The following LINC00305 variants were observed in gnomAD, a reference collection of about 807,000 sequenced individuals.
LINC00305 encodes the protein long intergenic non-protein coding RNA 305.
chr18:64,123,119 G>A (rs2051369351), intron 1 of LINC00305, among the ~76,000 whole-genome samples: 1 of 152,074 alleles, frequency 6.6e-6, no homozygotes, highest in South Asian at 2.1e-4. Flanking sequence ...TATATAATCA[G>A]TGAACAGGAA....
chr18:64,135,797 T>C (rs1325575028), intron 1 of LINC00305, among the ~76,000 whole-genome samples: 1 of 152,010 alleles, frequency 6.6e-6, no homozygotes, highest in Admixed American at 6.6e-5. Flanking sequence ...GTTGGCCATG[T>C]TGTTCTGGCA....
At chr18:64,087,342 G>A (rs190839496) in intron 3 of LINC00305, among the ~76,000 whole-genome samples, 5 of 152,054 alleles carry the variant, frequency 3.3e-5, no homozygotes, top group East Asian at 1.9e-4. Context: ...CAATCAAATT[G>A]GTTCTCTGAA....
intron 3 of LINC00305, among the ~76,000 whole-genome samples, chr18:64,087,817 C>T (rs193161889): frequency 1.6e-3 from 238 of 152,120 alleles, no homozygotes; most frequent in African/African-American, 5.5e-3. Flanking sequence ...AGCAGCCAGG[C>T]GTGCTGGCTC....
chr18:64,099,717 T>C (rs763072586), intron 1 of LINC00305, among the ~76,000 whole-genome samples: 9 of 152,160 alleles, frequency 5.9e-5, no homozygotes, highest in Non-Finnish European at 1.2e-4. Context: ...TCCAGCCCCT[T>C]GGTTTTATTA....
At chr18:64,089,829 A>T (rs753040296) in intron 3 of LINC00305, among the ~76,000 whole-genome samples, 1 of 152,196 alleles carries the variant, frequency 6.6e-6, no homozygotes, top group Non-Finnish European at 1.5e-5. Flanking sequence ...CCACCTTATA[A>T]AACCATCAGA....
At chr18:64,110,111 T>C (rs908333054) in intron 1 of LINC00305, among the ~76,000 whole-genome samples, 2 of 152,198 alleles carry the variant, frequency 1.3e-5, no homozygotes, top group East Asian at 3.8e-4. Context: ...CCTGGACATC[T>C]AAAAGGAGGC....
chr18:64,143,615 T>C (rs2051478536), intron 1 of LINC00305, among the ~76,000 whole-genome samples: 1 of 120,816 alleles, frequency 8.3e-6, no homozygotes, highest in Non-Finnish European at 1.8e-5. Context: ...TGTACATATG[T>C]ACACATATGT....
chr18:64,104,237 T>A (rs1382333089), intron 1 of LINC00305: 1 of 152,194 alleles, frequency 6.6e-6, no homozygotes, highest in Non-Finnish European at 1.5e-5. Context: ...GGGGAGCAGG[T>A]ATGGGATAAC....
intron 1 of LINC00305, among the ~76,000 whole-genome samples, chr18:64,138,964 G>GT (rs2051448265): frequency 6.6e-6 from 1 of 152,116 alleles, no homozygotes; most frequent in African/African-American, 2.4e-5. Context: ...CATGCAGACG[G>GT]TATCAGTAAA....
At chr18:64,088,962 T>C (rs2051214627) in intron 3 of LINC00305, among the ~76,000 whole-genome samples, 1 of 152,116 alleles carries the variant, frequency 6.6e-6, no homozygotes, top group Non-Finnish European at 1.5e-5. Context: ...AAGGGGAATA[T>C]GGGGTTACCA....
chr18:64,127,892 A>C (rs1470250554), intron 1 of LINC00305, among the ~76,000 whole-genome samples: 1 of 152,110 alleles, frequency 6.6e-6, no homozygotes, highest in East Asian at 1.9e-4. Context: ...GAGGGCCCTG[A>C]ACATGCTAGG....
At chr18:64,087,218 C>A (rs1183104741) in intron 3 of LINC00305, among the ~76,000 whole-genome samples, 1 of 152,094 alleles carries the variant, frequency 6.6e-6, no homozygotes. Flanking sequence ...CTGTATTTTT[C>A]ATTTTCTAAT....
intron 1 of LINC00305, among the ~76,000 whole-genome samples, chr18:64,147,815 GT>G (rs2051505129): frequency 6.6e-6 from 1 of 152,110 alleles, no homozygotes; most frequent in Admixed American, 6.6e-5. Flanking sequence ...TTCATAATTG[GT>G]TTTCTCATAT....
chr18:64,144,939 A>G (rs2051489930), intron 1 of LINC00305, among the ~76,000 whole-genome samples: 1 of 152,128 alleles, frequency 6.6e-6, no homozygotes, highest in Non-Finnish European at 1.5e-5. Flanking sequence ...TGGAGAGCCT[A>G]TAAACGGACA....
At chr18:64,143,366 T>A (rs1297212810) in intron 1 of LINC00305, among the ~76,000 whole-genome samples, 1 of 151,938 alleles carries the variant, frequency 6.6e-6, no homozygotes, top group Non-Finnish European at 1.5e-5. Context: ...TAGTAGTAGA[T>A]GGCCTAGTAT....
intron 1 of LINC00305, among the ~76,000 whole-genome samples, chr18:64,141,260 T>C (rs2051461815): frequency 6.6e-6 from 1 of 152,020 alleles, no homozygotes; most frequent in Admixed American, 6.5e-5. Context: ...AAGCATAAAA[T>C]AAATCACCTA....
Position 64,144,251 on chromosome 18 carries a change from C to A in LINC00305, n.314+4524G>T, listed in dbSNP as rs565028869. On this transcript the variant is annotated intron_variant and non_coding_transcript_variant, in intron 1 of 3. Coordinates refer to ENST00000666468, the Ensembl canonical transcript of LINC00305. ...TAGAATTAGGTTTTGTTGCCAATAG[C>A]CTTATTTGTGTTACTTTCTGAGGTA... is the stretch of plus-strand genomic sequence containing the variant. 1.1e-4 allele frequency among the ~76,000 whole-genome samples: 17 copies of A among 152,080 alleles called. No homozygotes were observed. In the South Asian group the frequency reaches 3.3e-3, roughly 30 times the overall value.
intron 1 of LINC00305, among the ~76,000 whole-genome samples, chr18:64,143,814 TA>T (rs2051483483): frequency 6.6e-6 from 1 of 151,674 alleles, no homozygotes; most frequent in African/African-American, 2.4e-5. Context: ...TATGTATACA[TA>T]TATACACAGA....
chr18:64,084,180 A>G (rs909357314), intron 3 of LINC00305, among the ~76,000 whole-genome samples: 1 of 152,226 alleles, frequency 6.6e-6, no homozygotes, highest in African/African-American at 2.4e-5. Flanking sequence ...CTACATTTAA[A>G]TAGCTGACTG....
Sources: allele counts gnomAD v4.1 joint callset (sites outside exome capture counted in the v4.1 genomes callset), GRCh38; gene constraint gnomAD v4.1.1; transcripts MANE v1.5; gene names NCBI Gene and HGNC (gene_info 2026-07-23, HGNC 2026-07-21).